The following LCOR variants were observed in gnomAD, a reference collection of about 807,000 sequenced individuals.
LCOR encodes ligand-dependent corepressor.
A neutral mutation model predicts 64.4 loss-of-function variants in LCOR; 14 were observed. The observed-to-expected ratio is 0.22, with a 90% CI of 0.14 to 0.34. The LOEUF (loss-of-function observed/expected upper bound fraction) is 0.34. Ranked by LOEUF, LCOR falls within the 10% of genes least tolerant of loss-of-function variation. The pLI, the probability that LCOR is intolerant of heterozygous loss-of-function variation, is 1.00. For missense variants in LCOR, 1,686 were observed against 1,765.3 expected, an observed-to-expected ratio of 0.96 and a Z score of 0.80; for synonymous variants, 643 against 642.5, an observed-to-expected ratio of 1.00 and a Z score of -0.01.
At chr10:96,895,403 T>C (rs1464569536) in intron 2 of LCOR, among the ~76,000 whole-genome samples, 1 of 152,226 alleles carries the variant, frequency 6.6e-6, no homozygotes, top group African/African-American at 2.4e-5. Flanking sequence ...ATGGGGTCAC[T>C]ACCCTCTACC....
chr10:96,880,320 A>C (rs1846241371), intron 2 of LCOR, among the ~76,000 whole-genome samples: 1 of 152,214 alleles, frequency 6.6e-6, no homozygotes, highest in Admixed American at 6.5e-5. Context: ...AAACGTGATG[A>C]TAATGGTGGC....
intron 4 of LCOR, among the ~76,000 whole-genome samples, chr10:96,921,201 T>G (rs1321404301): frequency 6.6e-6 from 1 of 152,174 alleles, no homozygotes; most frequent in African/African-American, 2.4e-5. Flanking sequence ...ATAATTTATT[T>G]TTTCACTCTG....
intron 4 of LCOR, among the ~76,000 whole-genome samples, chr10:96,924,663 T>C (rs1435948127): frequency 6.6e-6 from 1 of 152,128 alleles, no homozygotes; most frequent in Non-Finnish European, 1.5e-5. Flanking sequence ...CATATTTGCC[T>C]TATTATTTAG....
chr10:96,880,775 CATT>C (rs1846249561), intron 2 of LCOR, among the ~76,000 whole-genome samples: 1 of 152,166 alleles, frequency 6.6e-6, no homozygotes, highest in South Asian at 2.1e-4. Flanking sequence ...TCTTTGTTGG[CATT>C]AATGAGTCAT....
intron 4 of LCOR, among the ~76,000 whole-genome samples, chr10:96,911,848 C>T (rs1462395309): frequency 6.6e-6 from 1 of 152,146 alleles, no homozygotes; most frequent in Non-Finnish European, 1.5e-5. Context: ...GCTTAATAAA[C>T]TTGGAAAATT....
At chr10:96,892,287 A>G (rs141161286) in intron 2 of LCOR, among the ~76,000 whole-genome samples, 3 of 152,292 alleles carry the variant, frequency 2.0e-5, no homozygotes, top group East Asian at 1.9e-4. Context: ...AGGGGCATAT[A>G]TGTTTTTAAT....
intron 4 of LCOR, among the ~76,000 whole-genome samples, chr10:96,914,584 ATTG>A (rs1311110311): frequency 6.6e-6 from 1 of 152,238 alleles, no homozygotes; most frequent in Non-Finnish European, 1.5e-5. Context: ...TCGATAAACA[ATTG>A]TAGTATTTAA....
At chr10:96,875,543 C>T (rs1367919816) in intron 2 of LCOR, among the ~76,000 whole-genome samples, 1 of 151,980 alleles carries the variant, frequency 6.6e-6, no homozygotes, top group Non-Finnish European at 1.5e-5. Flanking sequence ...TCATCATTAC[C>T]ACTGCCTTCT....
At chr10:96,927,326 C>G (rs935040337) in intron 4 of LCOR, among the ~76,000 whole-genome samples, 8 of 151,866 alleles carry the variant, frequency 5.3e-5, no homozygotes, top group East Asian at 3.8e-4. Context: ...GAATCTTTTA[C>G]CAATTTTAGA....
At position 96,889,373 on chromosome 10, in the gene LCOR, A is replaced by G. The variant is rs183028216; in HGVS notation, c.-329-17892A>G. 2.2e-4 allele frequency among the ~76,000 whole-genome samples: 33 copies of G among 152,300 alleles called. No individual in the cohort carries two copies. In the East Asian group the frequency reaches 4.8e-3, roughly 22 times the overall value. On this transcript the variant is annotated intron_variant, in intron 2 of 7. Coordinates refer to ENST00000421806, the MANE Select transcript of LCOR (RefSeq NM_001346516.2). The stretch of plus-strand genomic sequence containing the variant: ...CCACAGGCTTAGTGGCTTGAACCAC[A>G]GATACTTATTTCTTATAGTTCTGAA...
At chr10:96,832,743 C>G (rs1045205671) in intron 1 of LCOR, among the ~76,000 whole-genome samples, 1 of 150,742 alleles carries the variant, frequency 6.6e-6, no homozygotes, top group African/African-American at 2.4e-5. Context: ...CCCGGCGCCC[C>G]GGCGCCGCCG....
At position 96,907,702 on chromosome 10, in the gene LCOR, T is replaced by C. The variant is rs1440009916; in HGVS notation, c.-229T>C. 2 of 984,664 alleles carry C rather than the reference T, an allele frequency of 2.0e-6. No homozygotes were observed. The highest frequency in any genetic ancestry group is 2.4e-6 in the Non-Finnish European group (2 of 828,962). 61.0% of individuals were successfully genotyped at this position (984,664 alleles called of 1,614,324 possible). On this transcript the variant is annotated 5_prime_UTR_variant, in exon 4 of 8. Transcript: ENST00000421806. ...CTGAAAGCATTTCTGATTGGACTTT[T>C]GATGAAAACTGTTTATTCTGTTGCT...
At chr10:96,920,656 A>G (rs1195470508) in intron 4 of LCOR, among the ~76,000 whole-genome samples, 6 of 134,496 alleles carry the variant, frequency 4.5e-5, no homozygotes, top group African/African-American at 1.3e-4. Flanking sequence ...ATATATGTGT[A>G]TATATGTATA....
In LCOR at chr10:96,957,600, A is replaced by C. The variant is rs1053818626; in HGVS notation, c.332+5404A>C. ...CAGTGTAAAATAAAATTAAAATTGG[A>C]GGGTTGGTTAGATTGATTTCAGATG... On this transcript the variant is annotated intron_variant, in intron 7 of 7. Coordinates refer to ENST00000421806, the MANE Select transcript of LCOR (RefSeq NM_001346516.2). 3 of 985,212 alleles carry C rather than the reference A, an allele frequency of 3.0e-6. No homozygotes were observed. The African/African-American group carries it at 5.2e-5, about 17-fold the overall frequency. The allele number at this position is 985,212 out of a possible 1,614,324, so 61.0% of individuals were successfully genotyped here. A position where few individuals can be genotyped will look rare whatever the true frequency, so the allele number is the denominator to read the frequency against.
chr10:96,942,380 T>C (rs960771440), intron 4 of LCOR, among the ~76,000 whole-genome samples: 8 of 150,850 alleles, frequency 5.3e-5, no homozygotes, highest in African/African-American at 1.7e-4. Flanking sequence ...TGCAGTGAGC[T>C]GAGATGGCAG....
chr10:96,919,127 T>C (rs1266699998), intron 4 of LCOR, among the ~76,000 whole-genome samples: 3 of 152,222 alleles, frequency 2.0e-5, no homozygotes, highest in East Asian at 1.9e-4. Context: ...TGTAAAATTA[T>C]ATGATTCTCT....
chr10:96,919,203 T>C (rs1847006163), intron 4 of LCOR, among the ~76,000 whole-genome samples: 5 of 152,222 alleles, frequency 3.3e-5, no homozygotes, highest in Admixed American at 3.3e-4. Flanking sequence ...TGAGTAAGTT[T>C]AGAATATGCC....
chr10:96,968,004 A>G (rs913403718), intron 7 of LCOR, among the ~76,000 whole-genome samples: 4 of 152,158 alleles, frequency 2.6e-5, no homozygotes, highest in African/African-American at 7.2e-5. Context: ...TATAGGAATG[A>G]GGCTTAGACA....
intron 2 of LCOR, among the ~76,000 whole-genome samples, chr10:96,864,550 A>C (rs1261560061): frequency 6.6e-6 from 1 of 152,212 alleles, no homozygotes; most frequent in Non-Finnish European, 1.5e-5. Flanking sequence ...AATGGGAAAA[A>C]CAGGGACATC....
Sources: allele counts gnomAD v4.1 joint callset (sites outside exome capture counted in the v4.1 genomes callset), GRCh38; gene constraint gnomAD v4.1.1; transcripts MANE v1.5; gene names NCBI Gene and HGNC (gene_info 2026-07-23, HGNC 2026-07-21).